The following GFRA1 variants were observed in gnomAD, a reference collection of about 807,000 sequenced individuals.
GFRA1 encodes GDNF family receptor alpha-1.
A neutral mutation model predicts 51.6 loss-of-function variants in GFRA1; 16 were observed. The ratio of observed to expected loss-of-function variants is 0.31; its 90% CI spans 0.21 to 0.47. The LOEUF (loss-of-function observed/expected upper bound fraction) is 0.47. Among genes scored for constraint, GFRA1 ranks in the 20% least tolerant of loss-of-function variants. The pLI is 1.00. For synonymous variants in GFRA1, 270 were observed against 241.3 expected, an observed-to-expected ratio of 1.12 and a Z score of -1.10; for missense variants, 530 against 594.3, an observed-to-expected ratio of 0.89 and a Z score of 1.13.
chr10:116,233,197 G>A (rs1022455505), intron 4 of GFRA1, among the ~76,000 whole-genome samples: 15 of 151,796 alleles, frequency 9.9e-5, no homozygotes, highest in South Asian at 8.3e-4. Context: ...GAATGGTGGC[G>A]CACACCTGTA....
intron 6 of GFRA1, among the ~76,000 whole-genome samples, chr10:116,116,093 T>G (rs1400689871): frequency 6.6e-6 from 1 of 152,174 alleles, no homozygotes; most frequent in East Asian, 1.9e-4. Flanking sequence ...GTACTCTCTC[T>G]CTCTCTTTTT....
At chr10:116,142,680 C>T (rs919296159) in intron 5 of GFRA1, among the ~76,000 whole-genome samples, 1 of 152,124 alleles carries the variant, frequency 6.6e-6, no homozygotes, top group Non-Finnish European at 1.5e-5. Flanking sequence ...ATTGGGTAGT[C>T]TAACTGATGT....
chr10:116,122,508 C>A (rs1430725601), intron 6 of GFRA1, among the ~76,000 whole-genome samples: 1 of 152,188 alleles, frequency 6.6e-6, no homozygotes, highest in Non-Finnish European at 1.5e-5. Flanking sequence ...AGGTTCCTCC[C>A]ATCGCCTCCC....
chr10:116,133,246 T>G (rs1222559356), intron 5 of GFRA1, among the ~76,000 whole-genome samples: 1 of 152,134 alleles, frequency 6.6e-6, no homozygotes, highest in Non-Finnish European at 1.5e-5. Flanking sequence ...TTAACCAGAT[T>G]TTCACTTCAA....
intron 5 of GFRA1, among the ~76,000 whole-genome samples, chr10:116,171,095 A>G (rs1960977690): frequency 2.0e-5 from 3 of 152,232 alleles, no homozygotes; most frequent in African/African-American, 7.2e-5. Context: ...ATAGACACAC[A>G]ATGAATCACA....
At chr10:116,080,409 G>C (rs1199772247) in intron 9 of GFRA1, among the ~76,000 whole-genome samples, 2 of 152,164 alleles carry the variant, frequency 1.3e-5, no homozygotes, top group Non-Finnish European at 2.9e-5. Context: ...TATACTGCCT[G>C]GGTGATGGGT....
chr10:116,130,843 G>A (rs1005806303), intron 5 of GFRA1, among the ~76,000 whole-genome samples: 1 of 152,056 alleles, frequency 6.6e-6, no homozygotes, highest in Admixed American at 6.5e-5. Flanking sequence ...AGAAACATAA[G>A]ATAATCTTGG....
chr10:116,142,475 C>T (rs779614280), intron 5 of GFRA1, among the ~76,000 whole-genome samples: 1 of 152,172 alleles, frequency 6.6e-6, no homozygotes, highest in Non-Finnish European at 1.5e-5. Flanking sequence ...AAGACCTTTC[C>T]GTGCTCCAAA....
intron 5 of GFRA1, among the ~76,000 whole-genome samples, chr10:116,146,089 T>C (rs1958788356): frequency 6.6e-6 from 1 of 152,040 alleles, no homozygotes; most frequent in South Asian, 2.1e-4. Context: ...TTTATATATT[T>C]ATACACATAT....
chr10:116,080,992 G>A (rs1237346478), intron 9 of GFRA1, among the ~76,000 whole-genome samples: 3 of 152,214 alleles, frequency 2.0e-5, no homozygotes, highest in African/African-American at 7.2e-5. Flanking sequence ...AGGCAGAGAA[G>A]CTCTCCATTG....
chr10:116,107,483 C>T (rs1343848938), intron 6 of GFRA1, among the ~76,000 whole-genome samples: 1 of 152,214 alleles, frequency 6.6e-6, no homozygotes. Flanking sequence ...CAGCTTTATT[C>T]CCACCATTAA....
chr10:116,178,616 G>A (rs2134260770), intron 5 of GFRA1, among the ~76,000 whole-genome samples: 1 of 152,312 alleles, frequency 6.6e-6, no homozygotes, highest in South Asian at 2.1e-4. Flanking sequence ...TGCAGTGGAT[G>A]CCCAGAAGAG....
chr10:116,232,907 G>A (rs1428448033), intron 4 of GFRA1, among the ~76,000 whole-genome samples: 3 of 152,256 alleles, frequency 2.0e-5, no homozygotes, highest in East Asian at 3.9e-4. Flanking sequence ...CTTAATGGGG[G>A]GCACAGAGAT....
intron 5 of GFRA1, among the ~76,000 whole-genome samples, chr10:116,178,853 C>T (rs1294314522): frequency 1.3e-5 from 2 of 152,166 alleles, no homozygotes; most frequent in African/African-American, 2.4e-5. Flanking sequence ...GGATCATCTT[C>T]TCTGGGGCAC....
chr10:116,064,604 C>G (rs1955009597), intron 10 of GFRA1, 60 bp from the exon 11 acceptor site: 1 of 1,471,732 alleles, frequency 6.8e-7, no homozygotes, highest in Non-Finnish European at 9.5e-7. Flanking sequence ...CCACAGTATA[C>G]TTTACACTCT....
At chr10:116,178,309 T>TGGG (rs1565630493) in intron 5 of GFRA1, among the ~76,000 whole-genome samples, 2 of 146,732 alleles carry the variant, frequency 1.4e-5, no homozygotes, top group Non-Finnish European at 1.5e-5. Context: ...CGGGGGGGCG[T>TGGG]TTTACTCCCC....
intron 8 of GFRA1, among the ~76,000 whole-genome samples, chr10:116,092,401 T>TGTGTGTGTGTGCGTGTGTGTGC (rs1491407885): frequency 6.6e-6 from 1 of 151,904 alleles, no homozygotes; most frequent in Non-Finnish European, 1.5e-5. Flanking sequence ...CAAAAGCTTT[T>TGTGTGTGTGTGCGTGTGTGTGC]GTGTGTGTGT....
chr10:116,139,019 G>C (rs572600860), intron 5 of GFRA1, among the ~76,000 whole-genome samples: 3 of 152,300 alleles, frequency 2.0e-5, no homozygotes, highest in Non-Finnish European at 2.9e-5. Flanking sequence ...AGGAATTGCG[G>C]AGTAAATTCA....
chr10:116,208,409 G>A (rs1158386939), intron 5 of GFRA1, among the ~76,000 whole-genome samples: 3 of 152,046 alleles, frequency 2.0e-5, no homozygotes, highest in East Asian at 1.9e-4. Flanking sequence ...TATTCTCAAG[G>A]TCTAGAAAGT....
Sources: gnomAD v4.1 joint callset for allele counts (sites outside exome capture counted in the v4.1 genomes callset) on GRCh38, gnomAD v4.1.1 for gene constraint, MANE v1.5 for transcripts, NCBI Gene and HGNC (gene_info 2026-07-23, HGNC 2026-07-21) for gene names.